KLHL32: variants seen among roughly 807,000 people sequenced by gnomAD.
The protein encoded by KLHL32 is kelch like family member 32, also known as kelch-like protein 32.
In KLHL32, 35 loss-of-function variants were observed where a neutral mutation model predicts 64.8. The ratio of observed to expected loss-of-function variants is 0.54; its 90% CI spans 0.41 to 0.72. KLHL32 has a LOEUF of 0.72. Ranked by LOEUF, KLHL32 falls within the 30% of genes least tolerant of loss-of-function variation. KLHL32 has a pLI of 0.00. For missense variants in KLHL32, 589 were observed against 768.5 expected (o/e 0.77, Z 2.76); for synonymous variants, 259 against 281.0 (o/e 0.92, Z 0.78).
At position 97,110,874 on chromosome 6, in the gene KLHL32, A is replaced by G. The variant is rs185378488; in HGVS notation, c.628-2909A>G. ...TGTGGGGATGGTTGTGGCAATTCAC[A>G]TTGTTCTGAATTGCTTATCTGATTG... On this transcript the variant is annotated intron_variant, in intron 6 of 10. Transcript: ENST00000369261. Among the ~76,000 whole-genome samples, 417 of 152,348 alleles carry G rather than the reference A, an allele frequency of 2.7e-3. 5 individuals carry two copies. The highest frequency in any genetic ancestry group is 9.6e-3 in the African/African-American group (401 of 41,582).
intron 3 of KLHL32, among the ~76,000 whole-genome samples, chr6:96,989,415 A>C (rs1777568562): frequency 6.6e-6 from 1 of 152,154 alleles, no homozygotes; most frequent in South Asian, 2.1e-4. Context: ...AAGAATGCTG[A>C]ATATAGGCCC....
At chr6:96,951,412 A>G (rs983176948) in intron 1 of KLHL32, among the ~76,000 whole-genome samples, 8 of 152,204 alleles carry the variant, frequency 5.3e-5, no homozygotes, top group Non-Finnish European at 1.0e-4. Flanking sequence ...ACTCAGAGTC[A>G]GGTGAGCAGT....
intron 5 of KLHL32, 110 bp from the exon 6 acceptor site, chr6:97,085,016 C>A: frequency 1.2e-6 from 1 of 809,786 alleles, no homozygotes; most frequent in Non-Finnish European, 2.0e-6. Flanking sequence ...CCTCCCATTT[C>A]TCCCACCACT....
intron 4 of KLHL32, among the ~76,000 whole-genome samples, chr6:97,047,117 T>G (rs534838802): frequency 3.9e-5 from 6 of 152,374 alleles, no homozygotes; most frequent in Middle Eastern, 3.4e-3. Context: ...AAGTGTAGCC[T>G]TCTTAAAATT....
chr6:97,110,311 C>T (rs1207667405), intron 6 of KLHL32, among the ~76,000 whole-genome samples: 4 of 152,162 alleles, frequency 2.6e-5, no homozygotes, highest in Non-Finnish European at 5.9e-5. Context: ...TGACCTCTAC[C>T]GTGTCTGCCT....
At chr6:97,037,897 G>T (rs1440700761) in intron 3 of KLHL32, among the ~76,000 whole-genome samples, 1 of 152,124 alleles carries the variant, frequency 6.6e-6, no homozygotes, top group Non-Finnish European at 1.5e-5. Context: ...TCTTTGCAAA[G>T]GTGCCAAGAA....
chr6:97,021,361 G>A (rs371772184), intron 3 of KLHL32, among the ~76,000 whole-genome samples: 13 of 150,786 alleles, frequency 8.6e-5, no homozygotes, highest in African/African-American at 1.2e-4. Context: ...CAGGAGAGCC[G>A]ATGATGTAGT....
intron 2 of KLHL32, among the ~76,000 whole-genome samples, chr6:96,971,598 G>A (rs1436872052): frequency 6.6e-6 from 1 of 152,002 alleles, no homozygotes; most frequent in African/African-American, 2.4e-5. Context: ...TTACTAAAAG[G>A]TCATCTTACT....
intron 4 of KLHL32, among the ~76,000 whole-genome samples, chr6:97,044,273 G>A (rs989458389): frequency 6.6e-6 from 1 of 152,152 alleles, no homozygotes; most frequent in South Asian, 2.1e-4. Flanking sequence ...CTGTCATTCT[G>A]TTAATATGGT....
the KLHL32 span, among the ~76,000 whole-genome samples, chr6:96,898,095 C>A: frequency 1.3e-5 from 2 of 152,374 alleles, no homozygotes; most frequent in South Asian, 4.1e-4. Flanking sequence ...CGCTGGAACT[C>A]CGAGGGAGTC....
upstream of KLHL32, among the ~76,000 whole-genome samples, chr6:96,922,552 T>C (rs1562158315): frequency 6.6e-6 from 1 of 152,130 alleles, no homozygotes; most frequent in Admixed American, 6.5e-5. Flanking sequence ...CATCACTAGA[T>C]TGAAACAGGA....
intron 3 of KLHL32, among the ~76,000 whole-genome samples, chr6:96,980,295 G>A (rs1021915534): frequency 6.6e-6 from 1 of 152,132 alleles, no homozygotes; most frequent in African/African-American, 2.4e-5. Context: ...GTTGGTGTGG[G>A]TTTGTCATAG....
Position 96,994,922 on chromosome 6 carries a change from G to T in KLHL32, c.204+18745G>T, listed in dbSNP as rs73494877. Among the ~76,000 whole-genome samples the T allele has an allele frequency of 7.7e-3, 1,169 of 152,244 alleles. 11 individuals are homozygous for T. Among genetic ancestry groups the T allele is most frequent in the African/African-American group, 0.027 (1,123 of 41,528 alleles). On this transcript the variant is annotated intron_variant, in intron 3 of 10. Coordinates refer to ENST00000369261, the MANE Select transcript of KLHL32 (RefSeq NM_052904.4). ...ATTTGAGTTTGAATCTAGCAGCAGG[G>T]ACCTAATCTGTCTGTTCTGTTCACC...
intron 3 of KLHL32, among the ~76,000 whole-genome samples, chr6:97,035,517 G>A (rs55885635): frequency 0.024 from 3,669 of 152,072 alleles, 50 homozygotes; most frequent in East Asian, 0.071. Context: ...TGTAAAATAG[G>A]TCTAGGAGTG....
At chr6:97,068,359 G>A (rs554967975) in intron 5 of KLHL32, among the ~76,000 whole-genome samples, 4 of 152,168 alleles carry the variant, frequency 2.6e-5, no homozygotes, top group South Asian at 2.1e-4. Context: ...TACTGAATAC[G>A]CAACTCCCTT....
At chr6:96,987,834 C>G (rs897063582) in intron 3 of KLHL32, among the ~76,000 whole-genome samples, 6 of 151,932 alleles carry the variant, frequency 3.9e-5, no homozygotes, top group Non-Finnish European at 4.4e-5. Context: ...ACAAACCTGA[C>G]AAAAACAAGA....
At chr6:96,981,956 T>G (rs961307402) in intron 3 of KLHL32, among the ~76,000 whole-genome samples, 3 of 152,102 alleles carry the variant, frequency 2.0e-5, no homozygotes, top group Non-Finnish European at 4.4e-5. Flanking sequence ...TGCTGAGGAT[T>G]GTTTTATGGC....
intron 6 of KLHL32, among the ~76,000 whole-genome samples, chr6:97,090,734 T>A (rs1794102724): frequency 6.6e-6 from 1 of 152,260 alleles, no homozygotes; most frequent in South Asian, 2.1e-4. Context: ...TCTTCATTTA[T>A]TATTGCTTTG....
At chr6:97,023,155 G>T (rs9487752) in intron 3 of KLHL32, among the ~76,000 whole-genome samples, 9,510 of 152,182 alleles carry the variant, frequency 0.062, 614 homozygotes, top group African/African-American at 0.16. Flanking sequence ...TGGGGACAGA[G>T]ATCCAAACCA....
Sources: gnomAD v4.1 joint callset for allele counts (sites outside exome capture counted in the v4.1 genomes callset) on GRCh38, gnomAD v4.1.1 for gene constraint, MANE v1.5 for transcripts, NCBI Gene and HGNC (gene_info 2026-07-23, HGNC 2026-07-21) for gene names.